The following COL19A1 variants were observed in gnomAD, a reference collection of about 807,000 sequenced individuals.
COL19A1 encodes the protein collagen type XIX alpha 1 chain, also known as collagen alpha-1(XIX) chain.
In COL19A1, 159 loss-of-function variants were observed where a neutral mutation model predicts 190.2. The ratio of observed to expected loss-of-function variants is 0.84; its 90% CI spans 0.73 to 0.95. COL19A1 has a LOEUF of 0.95. COL19A1 is among the 40% of genes least tolerant of loss of function. COL19A1 has a pLI of 0.00. For synonymous variants in COL19A1, 509 were observed against 458.9 expected (o/e 1.11, Z -1.39); for missense variants, 1,418 against 1,431.9 (o/e 0.99, Z 0.16).
At position 69,927,999 on chromosome 6, in the gene COL19A1, G is replaced by T. The variant is rs1772507653; in HGVS notation, c.357G>T (p.Leu119=). The change falls in exon 5 of 51, where the codon CTG becomes CTT. Residue 119 remains leucine (L), a synonymous_variant. Coordinates refer to ENST00000620364, the MANE Select transcript of COL19A1 (RefSeq NM_001858.6). ...ACGCCAAAAAGGAACGGTGGTTTCT[G>T]TGGCAGGTTTTAAACCAGCAGAATA... ...RRNAKKERWF[L]WQVLNQQNIP... 6.2e-7 allele frequency: 1 copy of T among 1,613,242 alleles called. No homozygotes were observed. Among genetic ancestry groups the T allele is most frequent in the African/African-American group, 1.3e-5 (1 of 74,958 alleles).
At chr6:70,203,601 T>G (rs1767681789) in intron 49 of COL19A1, among the ~76,000 whole-genome samples, 1 of 143,408 alleles carries the variant, frequency 7.0e-6, no homozygotes, top group South Asian at 2.4e-4. Flanking sequence ...CTATCCCTCC[T>G]AAAATGCCAA....
intron 23 of COL19A1, among the ~76,000 whole-genome samples, chr6:70,143,480 T>A (rs1463226445): frequency 6.6e-6 from 1 of 152,126 alleles, no homozygotes; most frequent in Non-Finnish European, 1.5e-5. Flanking sequence ...CCATAACTCC[T>A]TGGAGACTGA....
intron 4 of COL19A1, among the ~76,000 whole-genome samples, chr6:69,907,528 A>T (rs1238625257): frequency 6.6e-6 from 1 of 152,184 alleles, no homozygotes; most frequent in Admixed American, 6.5e-5. Flanking sequence ...AAATAAAATT[A>T]CTTGTTCATA....
At chr6:70,076,531 C>T (rs1781892424) in intron 15 of COL19A1, among the ~76,000 whole-genome samples, 1 of 152,196 alleles carries the variant, frequency 6.6e-6, no homozygotes, top group East Asian at 1.9e-4. Context: ...TAACCTGCAC[C>T]AACATTTGGG....
chr6:70,135,175 C>T (rs900687539), intron 18 of COL19A1, among the ~76,000 whole-genome samples: 3 of 152,184 alleles, frequency 2.0e-5, no homozygotes, highest in Non-Finnish European at 1.5e-5. Flanking sequence ...AGGTTCCAAG[C>T]TTCCATGCCC....
At chr6:69,872,021 T>C (rs1767869643) in intron 1 of COL19A1, among the ~76,000 whole-genome samples, 1 of 152,160 alleles carries the variant, frequency 6.6e-6, no homozygotes, top group South Asian at 2.1e-4. Context: ...TTCACCATGT[T>C]GGCCAGACTT....
chr6:70,062,188 G>C (rs1375590778), intron 14 of COL19A1, among the ~76,000 whole-genome samples: 1 of 151,994 alleles, frequency 6.6e-6, no homozygotes, highest in African/African-American at 2.4e-5. Context: ...GAGTAACAAA[G>C]ATTTGGGGGA....
rs538803630 is a variant in COL19A1 at position 69,915,709 on chromosome 6, T to C, written c.267-12200T>C. ...ATTTGAGATAGTCACATGATCATTA[T>C]TTTCACGTTTGAATAAATTACTTAT... On this transcript the variant is annotated intron_variant, in intron 4 of 50. Coordinates refer to ENST00000620364, the MANE Select transcript of COL19A1 (RefSeq NM_001858.6). Among the ~76,000 whole-genome samples, 12 of 152,320 alleles carry C rather than the reference T, an allele frequency of 7.9e-5. 2 individuals are homozygous for C. In the South Asian group the frequency reaches 2.1e-3, roughly 26 times the overall value.
chr6:70,130,418 G>T (rs1290987157), intron 18 of COL19A1, among the ~76,000 whole-genome samples, 195 bp downstream of exon 18: 1 of 152,200 alleles, frequency 6.6e-6, no homozygotes, highest in East Asian at 1.9e-4. Flanking sequence ...TAGAGACAGA[G>T]TTTCACCATG....
chr6:70,185,780 G>A (rs1168575253), intron 46 of COL19A1, among the ~76,000 whole-genome samples: 1 of 152,144 alleles, frequency 6.6e-6, no homozygotes, highest in African/African-American at 2.4e-5. Context: ...GCTATTGTAT[G>A]TGAGTGTGGG....
At chr6:70,063,911 C>G (rs1338022900) in intron 14 of COL19A1, among the ~76,000 whole-genome samples, 1 of 152,146 alleles carries the variant, frequency 6.6e-6, no homozygotes, top group African/African-American at 2.4e-5. Flanking sequence ...CATACACCCT[C>G]CCAAGACTAA....
chr6:69,866,890 T>C (rs908828126), intron 1 of COL19A1, among the ~76,000 whole-genome samples: 4 of 152,178 alleles, frequency 2.6e-5, no homozygotes, highest in African/African-American at 7.2e-5. Context: ...ACATACCATG[T>C]AGTTCGTGTT....
At chr6:69,993,929 T>G (rs546124854) in intron 11 of COL19A1, among the ~76,000 whole-genome samples, 3 of 147,072 alleles carry the variant, frequency 2.0e-5, no homozygotes, top group South Asian at 2.1e-4. Flanking sequence ...CTTTTGTATG[T>G]TTTTTTTTGC....
At chr6:69,889,383 G>A (rs773816836) in intron 2 of COL19A1, among the ~76,000 whole-genome samples, 4 of 151,834 alleles carry the variant, frequency 2.6e-5, no homozygotes, top group Non-Finnish European at 5.9e-5. Context: ...ACTTGCTCCC[G>A]TTCTCTTTTT....
At chr6:70,150,326 A>G (rs530150147) in intron 30 of COL19A1, among the ~76,000 whole-genome samples, 249 of 152,290 alleles carry the variant, frequency 1.6e-3, no homozygotes, top group South Asian at 0.012. Flanking sequence ...GAAAATTGAG[A>G]TAAAATATAT....
At chr6:70,150,626 G>GTACATGAC (rs1786996447) in intron 30 of COL19A1, among the ~76,000 whole-genome samples, 1 of 152,108 alleles carries the variant, frequency 6.6e-6, no homozygotes, top group African/African-American at 2.4e-5. Context: ...AGGCCATATG[G>GTACATGAC]TACATGACAT....
intron 14 of COL19A1, among the ~76,000 whole-genome samples, chr6:70,056,778 T>TA (rs920988332): frequency 1.1e-3 from 161 of 151,736 alleles, no homozygotes; most frequent in African/African-American, 3.5e-3. Flanking sequence ...TTTTAAAACT[T>TA]AAAAAAAAAT....
intron 40 of COL19A1, 130 bp from the exon 41 acceptor site, chr6:70,171,834 C>A: frequency 1.4e-6 from 1 of 722,498 alleles, no homozygotes. Context: ...TAGGGCATAT[C>A]ATTTCCTTGC....
chr6:70,144,898 T>A lies in COL19A1; in HGVS notation c.1681-20T>A. The stretch of plus-strand genomic sequence containing the variant: ...ATGAACCTGAGCATCAAAGTAAGAA[T>A]CTTACCTTGTTTTCTACAGGGAGAT... On this transcript the variant is annotated intron_variant, in intron 24 of 50. Transcript: ENST00000620364. 3 of 1,498,232 alleles carry A rather than the reference T, an allele frequency of 2.0e-6. No homozygotes were observed. Among genetic ancestry groups the A allele is most frequent in the Non-Finnish European group, 2.7e-6 (3 of 1,096,354 alleles). 92.8% of individuals were successfully genotyped at this position (1,498,232 alleles called of 1,614,324 possible).
Sources: allele counts gnomAD v4.1 joint callset (sites outside exome capture counted in the v4.1 genomes callset), GRCh38; gene constraint gnomAD v4.1.1; transcripts MANE v1.5; gene names NCBI Gene and HGNC (gene_info 2026-07-23, HGNC 2026-07-21).